Variants in REV1 observed in about 807,000 individuals in gnomAD.
The protein encoded by REV1 is translesion synthesis protein REV1.
A neutral mutation model predicts 137.4 loss-of-function variants in REV1; 42 were observed. That is an observed-to-expected ratio of 0.31 (90% confidence interval 0.24 to 0.40). The LOEUF (loss-of-function observed/expected upper bound fraction) is 0.40, where lower values mean the gene tolerates loss of function less well. REV1 is among the 10% of genes least tolerant of loss of function. The pLI is 1.00. For synonymous variants in REV1, 524 were observed against 519.2 expected, an observed-to-expected ratio of 1.01 and a Z score of -0.12; for missense variants, 1,282 against 1,490.1, an observed-to-expected ratio of 0.86 and a Z score of 2.30.
chr2:99,431,686 G>C (rs1680154059), intron 8 of REV1: 2 of 979,484 alleles, frequency 2.0e-6, no homozygotes, highest in Admixed American at 1.2e-4. Context: ...TGCGCCCCCA[G>C]TGCCCTGGCC....
chr2:99,478,473 G>A (rs145361582), intron 1 of REV1, among the ~76,000 whole-genome samples: 1,673 of 152,268 alleles, frequency 0.011, 9 homozygotes, highest in Middle Eastern at 0.024. Flanking sequence ...GAGATGACAT[G>A]ATAAAAATTA....
chr2:99,424,234 G>C lies in REV1; in HGVS notation c.1594C>G (p.Leu532Val). The change falls in exon 10 of 23, where the codon CTA becomes GTA. Residue 532 changes from leucine (L) to valine (V), a missense_variant. By Grantham distance (32) the Leu-to-Val change is conservative. This residue lies in a region of REV1 where 372 missense variants were observed against 482.3 expected (regional missense o/e 0.77). Coordinates refer to ENST00000258428, the MANE Select transcript of REV1 (RefSeq NM_016316.4). ...NGMFFGHAKQLCPNLQAVPYD... is the reference protein window; with the variant it reads ...NGMFFGHAKQVCPNLQAVPYD... ...GGAACAGCTTGAAGATTAGGACATA[G>C]TTGTTTAGCATGCCCAAAAAACATT... 1 of 1,613,942 alleles carries C rather than the reference G, an allele frequency of 6.2e-7. No homozygotes were observed.
chr2:99,456,690 T>G, intron 3 of REV1, among the ~76,000 whole-genome samples: 1 of 152,244 alleles, frequency 6.6e-6, no homozygotes, highest in East Asian at 1.9e-4. Flanking sequence ...AATAAATGTT[T>G]CTAGCAATAA....
chr2:99,447,956 A>G (rs1003624421), intron 4 of REV1, among the ~76,000 whole-genome samples: 2 of 152,110 alleles, frequency 1.3e-5, no homozygotes, highest in African/African-American at 4.8e-5. Flanking sequence ...TCGGCCTCCC[A>G]AAGTGCTGGG....
At chr2:99,426,302 G>A (rs555992470) in intron 9 of REV1, among the ~76,000 whole-genome samples, 91 of 151,034 alleles carry the variant, frequency 6.0e-4, no homozygotes, top group African/African-American at 2.1e-3. Context: ...AGCCAAGATC[G>A]TGCCATTGCA....
At position 99,404,771 on chromosome 2, in the gene REV1, T is replaced by A. The variant is rs1359987937; in HGVS notation, c.2812-94A>T. On this transcript the variant is annotated intron_variant, in intron 17 of 22. Coordinates refer to ENST00000258428, the MANE Select transcript of REV1 (RefSeq NM_016316.4). ...ACGCCACTTTAAATTTCAATTTGAA[T>A]ACTGTGGATAATCAATGTAAGGTAC... 3 of 834,586 alleles carry A rather than the reference T, an allele frequency of 3.6e-6. No individual in the cohort carries two copies. In the South Asian group the frequency reaches 4.5e-5, roughly 13 times the overall value. The allele number at this position is 834,586 out of a possible 1,614,324, so 51.7% of individuals were successfully genotyped here.
intron 3 of REV1, 91 bp from the exon 4 acceptor site, chr2:99,449,595 A>C: frequency 1.7e-6 from 1 of 572,418 alleles, no homozygotes; most frequent in Non-Finnish European, 2.7e-6. Flanking sequence ...AACTTTAAGA[A>C]TGTCATTGGT....
chr2:99,463,313 A>C (rs1284999096), intron 2 of REV1, among the ~76,000 whole-genome samples: 2 of 152,076 alleles, frequency 1.3e-5, no homozygotes, highest in Non-Finnish European at 2.9e-5. Flanking sequence ...TGAGGTCAGG[A>C]GTTCGAGATC....
intron 18 of REV1, 68 bp downstream of exon 18, chr2:99,404,376 G>T: frequency 8.0e-7 from 1 of 1,246,370 alleles, no homozygotes; most frequent in Non-Finnish European, 1.2e-6. Flanking sequence ...AAGTGAGACA[G>T]GTCCTAAGTT....
chr2:99,473,254 G>C (rs903958495), intron 1 of REV1, among the ~76,000 whole-genome samples: 1 of 151,858 alleles, frequency 6.6e-6, no homozygotes, highest in Non-Finnish European at 1.5e-5. Flanking sequence ...TGTAGTCCCA[G>C]CTACTCAGGA....
At position 99,442,345 on chromosome 2, in the gene REV1, T is replaced by C; in HGVS notation, c.475A>G (p.Asn159Asp). The C allele has an allele frequency of 6.2e-7, 1 of 1,613,148 alleles. No individual in the cohort carries two copies. Among genetic ancestry groups the C allele is most frequent in the Non-Finnish European group, 8.5e-7 (1 of 1,179,628 alleles). The stretch of plus-strand genomic sequence containing the variant: ...CTGTTGTTGAGCTGTTTGGCTATAT[T>C]GCTTGGACCTGGCAGAGGATCCTCA... ...RPEDPLPGPS[N>D]IAKQLNNRVN... Residue 159 changes from asparagine (N) to aspartate (D), a missense_variant, in exon 5 of 23, where the codon AAT (asparagine) becomes GAT (aspartate). This residue lies in a region of REV1 where 432 missense variants were observed against 438.0 expected (regional missense o/e 0.99). Transcript: ENST00000258428.
At chr2:99,421,706 G>T in intron 10 of REV1, 53 bp from the exon 11 acceptor site, 2 of 1,551,452 alleles carry the variant, frequency 1.3e-6, no homozygotes, top group South Asian at 2.4e-5. Context: ...CCATCTGGTA[G>T]ACCCAATGTT....
At chr2:99,416,777 G>C (rs1483984524) in intron 12 of REV1, among the ~76,000 whole-genome samples, 1 of 151,776 alleles carries the variant, frequency 6.6e-6, no homozygotes, top group Non-Finnish European at 1.5e-5. Flanking sequence ...AGCCGGCTGT[G>C]TGGTGGGTGC....
At chr2:99,446,011 C>G (rs1205551057) in intron 4 of REV1, among the ~76,000 whole-genome samples, 2 of 152,104 alleles carry the variant, frequency 1.3e-5, no homozygotes, top group Non-Finnish European at 2.9e-5. Flanking sequence ...CTCATTAAAA[C>G]ACAGCTAAGA....
intron 6 of REV1, among the ~76,000 whole-genome samples, chr2:99,438,129 A>G (rs1680993795): frequency 6.6e-6 from 1 of 152,234 alleles, no homozygotes; most frequent in Non-Finnish European, 1.5e-5. Flanking sequence ...CAATGAACCA[A>G]TGTACTTAAG....
At chr2:99,482,625 T>C (rs886162883) in intron 1 of REV1, among the ~76,000 whole-genome samples, 1 of 152,102 alleles carries the variant, frequency 6.6e-6, no homozygotes, top group Non-Finnish European at 1.5e-5. Flanking sequence ...CCAGGACTCT[T>C]AAGAGAATTA....
intron 1 of REV1, among the ~76,000 whole-genome samples, chr2:99,477,205 A>G (rs1686076969): frequency 1.3e-5 from 2 of 152,138 alleles, no homozygotes; most frequent in Non-Finnish European, 2.9e-5. Context: ...CAGAGACTAC[A>G]TTTCCCACGC....
At chr2:99,429,690 T>TG (rs1298042623) in intron 9 of REV1, 150 bp downstream of exon 9, 7 of 500,378 alleles carry the variant, frequency 1.4e-5, no homozygotes, top group Admixed American at 8.2e-5. Flanking sequence ...TGGGGGGTTG[T>TG]GGGGGGCATA....
chr2:99,419,299 G>A (rs1055146417), intron 11 of REV1, among the ~76,000 whole-genome samples: 15 of 145,778 alleles, frequency 1.0e-4, no homozygotes, highest in African/African-American at 2.8e-4. Flanking sequence ...TGCAAGTTCC[G>A]CCTCCTGGGC....
Sources: gnomAD v4.1 joint callset for allele counts (sites outside exome capture counted in the v4.1 genomes callset) on GRCh38, gnomAD v4.1.1 for gene constraint, gnomAD v4.1.1 regional missense constraint, MANE v1.5 for transcripts, NCBI Gene and HGNC (gene_info 2026-07-23, HGNC 2026-07-21) for gene names.